The following UST variants were observed in gnomAD, a reference collection of about 807,000 sequenced individuals.
UST encodes chondroitin sulfate 2-O-sulfotransferase.
Under a neutral mutation model 45.6 loss-of-function variants are expected in UST, and 21 were observed. The ratio of observed to expected loss-of-function variants is 0.46; its 90% CI spans 0.33 to 0.66. The LOEUF (loss-of-function observed/expected upper bound fraction) is 0.66, where lower values mean the gene tolerates loss of function less well. Among genes scored for constraint, UST ranks in the 30% least tolerant of loss-of-function variants. The pLI, the probability that UST is intolerant of heterozygous loss-of-function variation, is 0.02. For synonymous variants in UST, 215 were observed against 200.6 expected, an observed-to-expected ratio of 1.07 and a Z score of -0.61; for missense variants, 463 against 512.4, an observed-to-expected ratio of 0.90 and a Z score of 0.93.
chr6:148,927,112 C>G (rs1198788324), intron 2 of UST, among the ~76,000 whole-genome samples: 2 of 151,626 alleles, frequency 1.3e-5, no homozygotes, highest in East Asian at 3.9e-4. Context: ...CCTTACGTCC[C>G]CGTTATGTAT....
chr6:149,023,620 G>A (rs780464913), intron 7 of UST, among the ~76,000 whole-genome samples: 1 of 152,156 alleles, frequency 6.6e-6, no homozygotes, highest in East Asian at 1.9e-4. Flanking sequence ...GCCAACGTGA[G>A]AGTCCTCTTC....
intron 1 of UST, among the ~76,000 whole-genome samples, chr6:148,882,461 G>A (rs1298167102): frequency 5.7e-5 from 8 of 139,442 alleles, no homozygotes; most frequent in Non-Finnish European, 9.1e-5. Flanking sequence ...ACTCCAGCCC[G>A]GGCAACAAGA....
intron 1 of UST, among the ~76,000 whole-genome samples, chr6:148,778,506 C>T (rs539143920): frequency 1.3e-5 from 2 of 152,318 alleles, no homozygotes; most frequent in East Asian, 3.9e-4. Flanking sequence ...CAACGGTGCC[C>T]TTCCTGAGGC....
intron 1 of UST, among the ~76,000 whole-genome samples, chr6:148,810,028 A>C (rs753423): frequency 0.19 from 28,662 of 152,104 alleles, 2,977 homozygotes; most frequent in African/African-American, 0.27. Context: ...GAGCCATCTT[A>C]TCTGTTTTTC....
Position 148,747,210 on chromosome 6 carries a change from C to A in UST, c.-221C>A. On this transcript the variant is annotated 5_prime_UTR_variant, in exon 1 of 8. Transcript: ENST00000367463. ...CGGCGCCCCGTCACGGGCAGCGCCC[C>A]GAACCGGGGCCGGACACCTCGGCCG... The A allele has an allele frequency of 2.8e-6, 1 of 362,270 alleles. No individual in the cohort carries two copies. The highest frequency in any genetic ancestry group is 5.0e-5 in the Admixed American group (1 of 19,808). The allele number at this position is 362,270 out of a possible 1,614,324, so 22.4% of individuals were successfully genotyped here.
chr6:148,784,769 G>C (rs1205887732), intron 1 of UST, among the ~76,000 whole-genome samples: 1 of 152,190 alleles, frequency 6.6e-6, no homozygotes, highest in Admixed American at 6.5e-5. Context: ...CCTCAAGTCA[G>C]GTAGAAACAA....
chr6:148,991,049 A>G (rs973899898), intron 5 of UST, among the ~76,000 whole-genome samples: 1 of 152,208 alleles, frequency 6.6e-6, no homozygotes, highest in African/African-American at 2.4e-5. Context: ...AAACAGACAG[A>G]TAATTAATAT....
intron 1 of UST, among the ~76,000 whole-genome samples, chr6:148,829,603 C>G (rs1325086311): frequency 6.6e-6 from 1 of 152,164 alleles, no homozygotes; most frequent in Non-Finnish European, 1.5e-5. Context: ...GGACTCTGCA[C>G]CAGCCTCTCC....
At chr6:149,035,575 T>C (rs1003172169) in intron 7 of UST, among the ~76,000 whole-genome samples, 1 of 151,820 alleles carries the variant, frequency 6.6e-6, no homozygotes, top group Non-Finnish European at 1.5e-5. Context: ...GACAACATGG[T>C]GAAACCTGTC....
At chr6:148,839,214 T>C (rs1181274216) in intron 1 of UST, among the ~76,000 whole-genome samples, 1 of 152,208 alleles carries the variant, frequency 6.6e-6, no homozygotes, top group East Asian at 1.9e-4. Flanking sequence ...GTGCCGTGTA[T>C]ACAAACTGAA....
At chr6:148,926,124 C>T (rs1779809781) in intron 2 of UST, among the ~76,000 whole-genome samples, 1 of 152,224 alleles carries the variant, frequency 6.6e-6, no homozygotes, top group African/African-American at 2.4e-5. Flanking sequence ...AAGCAGCACA[C>T]TTTATGAGAT....
At chr6:148,988,107 G>C (rs4358650) in intron 5 of UST, among the ~76,000 whole-genome samples, 60,777 of 151,328 alleles carry the variant, frequency 0.4, 12,280 homozygotes, top group Non-Finnish European at 0.43. Context: ...ATGAGTACAA[G>C]GTCCAAGCAG....
In UST at chr6:149,056,398, C is replaced by T. The variant is rs139260601; in HGVS notation, c.938-17435C>T. Among the ~76,000 whole-genome samples, 885 of 152,266 alleles carry T rather than the reference C, an allele frequency of 5.8e-3. 6 individuals are homozygous for T. The highest frequency in any genetic ancestry group is 1.0e-2 in the Non-Finnish European group (679 of 68,024). On this transcript the variant is annotated intron_variant, in intron 7 of 7. Coordinates refer to ENST00000367463, the MANE Select transcript of UST (RefSeq NM_005715.3). Reference sequence around the variant, plus strand: ...CTGGGATTACAGGCCTAAGCCACCGCACCCGGCCTACCCCTGCTTTTCAAA... The same window carrying T: ...CTGGGATTACAGGCCTAAGCCACCGTACCCGGCCTACCCCTGCTTTTCAAA...
intron 2 of UST, among the ~76,000 whole-genome samples, chr6:148,932,412 T>A (rs1779938895): frequency 6.6e-6 from 1 of 152,158 alleles, no homozygotes; most frequent in South Asian, 2.1e-4. Context: ...TCTGTGGTAA[T>A]GAGATACCCA....
At chr6:148,769,560 T>C (rs750910633) in intron 1 of UST, among the ~76,000 whole-genome samples, 4 of 152,226 alleles carry the variant, frequency 2.6e-5, no homozygotes, top group Non-Finnish European at 5.9e-5. Flanking sequence ...AGAGGGACTC[T>C]TTCTGTTCTA....
At chr6:148,964,364 T>G in intron 4 of UST, 46 bp from the exon 5 acceptor site, 3 of 1,604,688 alleles carry the variant, frequency 1.9e-6, no homozygotes, top group Non-Finnish European at 2.6e-6. Flanking sequence ...AGGCCCTGTT[T>G]TCGTCCTGCA....
intron 7 of UST, among the ~76,000 whole-genome samples, chr6:149,023,392 A>G (rs981308618): frequency 1.3e-5 from 2 of 152,182 alleles, no homozygotes; most frequent in African/African-American, 4.8e-5. Flanking sequence ...TCTTGGGAGC[A>G]GCTACTATGA....
At chr6:148,953,409 T>G (rs983431788) in intron 3 of UST, among the ~76,000 whole-genome samples, 1 of 152,224 alleles carries the variant, frequency 6.6e-6, no homozygotes, top group Non-Finnish European at 1.5e-5. Context: ...CACTGTTTTA[T>G]TCGCTAAGGA....
chr6:149,054,203 G>A (rs1190947706), intron 7 of UST, among the ~76,000 whole-genome samples: 1 of 152,206 alleles, frequency 6.6e-6, no homozygotes, highest in Non-Finnish European at 1.5e-5. Flanking sequence ...TCTACCCAAA[G>A]AAGAGCCAAA....
Sources: allele counts gnomAD v4.1 joint callset (sites outside exome capture counted in the v4.1 genomes callset), GRCh38; gene constraint gnomAD v4.1.1; transcripts MANE v1.5; gene names NCBI Gene and HGNC (gene_info 2026-07-23, HGNC 2026-07-21).